PDE4B: variants seen among roughly 807,000 people sequenced by gnomAD.
The protein encoded by PDE4B is 3',5'-cyclic-AMP phosphodiesterase 4B.
PDE4B carries 20 observed loss-of-function variants against 82.2 expected under a neutral mutation model. That is an observed-to-expected ratio of 0.24 (90% CI 0.17 to 0.35). PDE4B has a LOEUF of 0.35. PDE4B is among the 10% of genes least tolerant of loss of function. The pLI is 1.00. For synonymous variants in PDE4B, 320 were observed against 318.9 expected, an observed-to-expected ratio of 1.00 and a Z score of -0.04; for missense variants, 655 against 907.2, an observed-to-expected ratio of 0.72 and a Z score of 3.57.
intron 3 of PDE4B, among the ~76,000 whole-genome samples, chr1:66,148,751 T>C (rs559615378): frequency 3.9e-5 from 6 of 152,212 alleles, no homozygotes; most frequent in Non-Finnish European, 8.8e-5. Context: ...AAAAATGAAA[T>C]CTTACAGTAT....
At chr1:66,315,866 AGTGTAGTAT>A (rs1658992879) in intron 7 of PDE4B, among the ~76,000 whole-genome samples, 1 of 152,056 alleles carries the variant, frequency 6.6e-6, no homozygotes, top group East Asian at 1.9e-4. Context: ...CCTACGAGGA[AGTGTAGTAT>A]GGGAACTGTG....
At chr1:66,099,613 A>G (rs1645182127) in intron 3 of PDE4B, among the ~76,000 whole-genome samples, 1 of 152,178 alleles carries the variant, frequency 6.6e-6, no homozygotes, top group Non-Finnish European at 1.5e-5. Context: ...GGCAATCCTA[A>G]ACACATAGTT....
At position 65,913,337 on chromosome 1, in the gene PDE4B, T is replaced by C; in HGVS notation, c.23T>C (p.Met8Thr). The C allele has an allele frequency of 6.2e-7, 1 of 1,613,774 alleles. No individual in the cohort carries two copies. The highest frequency in any genetic ancestry group is 8.5e-7 in the Non-Finnish European group (1 of 1,179,688). ...ATAATGAAGAAAAGCAGGAGTGTGA[T>C]GACGGTGATGGCTGATGATGTAAGT... MKKSRSV[M>T]TVMADDNVKD... Residue 8 changes from methionine (M) to threonine (T), a missense_variant, in exon 2 of 17, where the codon ATG (methionine) becomes ACG (threonine). By Grantham distance (81) the Met-to-Thr change is moderately conservative (BLOSUM62 -1). Transcript: ENST00000341517.
intron 3 of PDE4B, among the ~76,000 whole-genome samples, chr1:66,150,540 CT>C (rs916528708): frequency 6.6e-6 from 1 of 151,934 alleles, no homozygotes; most frequent in African/African-American, 2.4e-5. Flanking sequence ...TTTTTCTTGC[CT>C]AATTGTACTG....
intron 1 of PDE4B, among the ~76,000 whole-genome samples, chr1:65,904,387 AATT>A (rs1304959810): frequency 6.6e-6 from 1 of 152,194 alleles, no homozygotes; most frequent in Non-Finnish European, 1.5e-5. Flanking sequence ...AACAGAGACA[AATT>A]ATTATGCTTT....
At chr1:66,261,500 A>G (rs1454346841) in intron 6 of PDE4B, among the ~76,000 whole-genome samples, 2 of 152,190 alleles carry the variant, frequency 1.3e-5, no homozygotes, top group Admixed American at 6.5e-5. Flanking sequence ...CCTTGAATGT[A>G]GCATTTAAGC....
intron 3 of PDE4B, among the ~76,000 whole-genome samples, chr1:65,999,394 T>A (rs958153451): frequency 2.0e-5 from 3 of 152,184 alleles, no homozygotes; most frequent in Non-Finnish European, 4.4e-5. Flanking sequence ...CCTCTCCTGT[T>A]CTCCAGCCCT....
intron 3 of PDE4B, among the ~76,000 whole-genome samples, chr1:66,185,060 A>G (rs1647155678): frequency 2.0e-5 from 3 of 151,930 alleles, no homozygotes; most frequent in Admixed American, 2.0e-4. Flanking sequence ...TCATTGTTCA[A>G]TTCCCACCTA....
rs566281296 is a variant in PDE4B, at chr1:66,093,600, C to T, written c.282-153860C>T. 2.6e-5 allele frequency among the ~76,000 whole-genome samples: 4 copies of T among 151,992 alleles called. No individual in the cohort carries two copies. The South Asian group carries it at 8.3e-4, about 32-fold the overall frequency. On this transcript the variant is annotated intron_variant, in intron 3 of 16. Coordinates refer to ENST00000341517, the MANE Select transcript of PDE4B (RefSeq NM_002600.4). ...CCAATGAGAGAGGAAGATATTTATC[C>T]CAATCTTGCTTTCCTGAGGCTTCTA...
chr1:66,283,580 A>G (rs1656447898), intron 7 of PDE4B, among the ~76,000 whole-genome samples: 1 of 152,060 alleles, frequency 6.6e-6, no homozygotes. Flanking sequence ...AAAAATTACC[A>G]TGTTTTAGAG....
intron 3 of PDE4B, among the ~76,000 whole-genome samples, chr1:66,008,549 G>A (rs1652286792): frequency 6.6e-6 from 1 of 152,018 alleles, no homozygotes; most frequent in Admixed American, 6.6e-5. Context: ...TTATAAACAT[G>A]CTATTTCCCT....
intron 1 of PDE4B, among the ~76,000 whole-genome samples, chr1:65,872,786 G>A (rs1055221107): frequency 2.0e-5 from 3 of 152,116 alleles, no homozygotes; most frequent in Non-Finnish European, 4.4e-5. Context: ...ATTTGTGTAG[G>A]ACATTGCAGG....
At chr1:66,006,386 G>A (rs543110512) in intron 3 of PDE4B, among the ~76,000 whole-genome samples, 12 of 152,266 alleles carry the variant, frequency 7.9e-5, no homozygotes, top group African/African-American at 2.9e-4. Context: ...TTTAATCTGG[G>A]TAAGGAGAGT....
chr1:66,339,850 G>T (rs1475565436), intron 8 of PDE4B, among the ~76,000 whole-genome samples: 5 of 142,938 alleles, frequency 3.5e-5, no homozygotes, highest in Non-Finnish European at 6.1e-5. Context: ...TTTTTTTGTT[G>T]TTTTTTTTTT....
At chr1:66,087,442 A>G (rs983448989) in intron 3 of PDE4B, among the ~76,000 whole-genome samples, 5 of 152,018 alleles carry the variant, frequency 3.3e-5, no homozygotes, top group Admixed American at 1.3e-4. Flanking sequence ...CATTTTGTAG[A>G]TTGCCTGTTC....
intron 3 of PDE4B, among the ~76,000 whole-genome samples, chr1:66,051,842 A>G (rs1225007660): frequency 6.6e-6 from 1 of 152,204 alleles, no homozygotes; most frequent in Non-Finnish European, 1.5e-5. Context: ...TGTGGTAGAC[A>G]AGGTGATGTA....
At chr1:65,911,982 C>T (rs1328755747) in intron 1 of PDE4B, among the ~76,000 whole-genome samples, 1 of 151,546 alleles carries the variant, frequency 6.6e-6, no homozygotes, top group Non-Finnish European at 1.5e-5. Flanking sequence ...TATATATCTT[C>T]ATGCTAGAGA....
At chr1:65,834,491 C>A (rs921686777) in intron 1 of PDE4B, among the ~76,000 whole-genome samples, 1 of 152,102 alleles carries the variant, frequency 6.6e-6, no homozygotes, top group Admixed American at 6.6e-5. Context: ...AGGTTCACGT[C>A]TATATGCAAT....
At chr1:66,108,668 T>C (rs1332605247) in intron 3 of PDE4B, among the ~76,000 whole-genome samples, 1 of 118,736 alleles carries the variant, frequency 8.4e-6, no homozygotes, top group Non-Finnish European at 1.8e-5. Flanking sequence ...AACAGGTTCA[T>C]GAAAAATGTT....
Sources: allele counts gnomAD v4.1 joint callset (sites outside exome capture counted in the v4.1 genomes callset), GRCh38; gene constraint gnomAD v4.1.1; transcripts MANE v1.5; gene names NCBI Gene and HGNC (gene_info 2026-07-23, HGNC 2026-07-21).